Variants in KLHDC4 observed in about 807,000 individuals in gnomAD.
KLHDC4 encodes the protein kelch domain-containing protein 4.
Under a neutral mutation model 62.4 loss-of-function variants are expected in KLHDC4, and 90 were observed. The ratio of observed to expected loss-of-function variants is 1.44; its 90% confidence interval spans 1.22 to 1.72. The LOEUF (loss-of-function observed/expected upper bound fraction) is 1.72, where lower values mean the gene tolerates loss of function less well. Among genes scored for constraint, KLHDC4 ranks in the 40% most tolerant of loss-of-function variants. The pLI is 0.00. For missense variants in KLHDC4, 1,025 were observed against 699.7 expected (o/e 1.47, Z -5.25); for synonymous variants, 386 against 284.4 (o/e 1.36, Z -3.59).
chr16:87,752,413 G>T (rs562603512), intron 4 of KLHDC4, among the ~76,000 whole-genome samples: 1 of 148,734 alleles, frequency 6.7e-6, no homozygotes, highest in South Asian at 2.1e-4. Flanking sequence ...TTGGCTCACT[G>T]CAACCTCCAA....
intron 1 of KLHDC4, among the ~76,000 whole-genome samples, chr16:87,762,522 G>A (rs2046041781): frequency 6.6e-6 from 1 of 152,236 alleles, no homozygotes; most frequent in South Asian, 2.1e-4. Flanking sequence ...CCTGTCTGCT[G>A]AGCAGTGTCT....
chr16:87,741,961 A>C (rs2042304188), intron 5 of KLHDC4, among the ~76,000 whole-genome samples: 1 of 152,216 alleles, frequency 6.6e-6, no homozygotes, highest in African/African-American at 2.4e-5. Flanking sequence ...TGGACTTCTC[A>C]AAAGACATAA....
At chr16:87,738,936 C>CCCACACACCAGCACCTCAT (rs2041819929) in intron 5 of KLHDC4, among the ~76,000 whole-genome samples, 7 of 37,792 alleles carry the variant, frequency 1.9e-4, no homozygotes, top group African/African-American at 6.3e-4. Context: ...ACCTCATCCA[C>CCCACACACCAGCACCTCAT]CCACACACCA....
intron 7 of KLHDC4, among the ~76,000 whole-genome samples, chr16:87,725,795 G>A (rs1406151086): frequency 1.3e-5 from 2 of 152,170 alleles, no homozygotes; most frequent in Non-Finnish European, 2.9e-5. Flanking sequence ...CAGAGCACAC[G>A]CCCCAAGAGC....
chr16:87,704,411 G>A (rs1196125524), downstream of KLHDC4, among the ~76,000 whole-genome samples: 1 of 110,350 alleles, frequency 9.1e-6, no homozygotes, highest in Non-Finnish European at 1.8e-5. Context: ...AGGCGCCTGG[G>A]GAGGGTCCTG....
intron 6 of KLHDC4, among the ~76,000 whole-genome samples, chr16:87,728,803 A>AC (rs1470120586): frequency 6.6e-6 from 1 of 152,148 alleles, no homozygotes; most frequent in Non-Finnish European, 1.5e-5. Flanking sequence ...ACATAGTGAA[A>AC]CCCCGTCTCT....
rs1243680898 is a variant in KLHDC4 at position 87,765,923 on chromosome 16, G to A, written c.-33C>T. ...GGTCCCAAGCCGCGACGGGACACCA[G>A]GAAAGAAAACGGCCCGCGCTCTCCG... is the stretch of plus-strand genomic sequence containing the variant. On this transcript the variant is annotated 5_prime_UTR_variant, in exon 1 of 12. Transcript: ENST00000270583. 2.6e-6 allele frequency: 4 copies of A among 1,546,868 alleles called. No homozygotes were observed. The African/African-American group carries it at 4.1e-5, about 16-fold the overall frequency.
In KLHDC4 at chr16:87,709,457, G is replaced by C. The variant is rs200906773; in HGVS notation, c.1255C>G (p.Leu419Val). The C allele has an allele frequency of 9.3e-6, 15 of 1,612,104 alleles. No individual in the cohort carries two copies. The highest frequency in any genetic ancestry group is 1.3e-5 in the African/African-American group (1 of 75,058). ...GQPRSEDEDS[L>V]EEAGSPAPGP... is the part of the protein sequence containing the mutation. ...GGTGCGGGGCTGCCGGCCTCCTCAAGGCTGTCTTCGTCCTCAGACCGGGGC... is the reference window on the plus strand; with the variant it reads ...GGTGCGGGGCTGCCGGCCTCCTCAACGCTGTCTTCGTCCTCAGACCGGGGC... The change falls in exon 10 of 12, where the codon CTT (leucine) becomes GTT (valine). Residue 419 changes from leucine to valine, a missense_variant. Leu to Val is a conservative substitution (Grantham distance 32). Transcript: ENST00000270583.
chr16:87,709,902 C>G (rs76742342), intron 9 of KLHDC4: 3 of 568,252 alleles, frequency 5.3e-6, no homozygotes, highest in Non-Finnish European at 6.2e-6. Flanking sequence ...GAAAACCCCC[C>G]ACTGCGTGTC....
intron 11 of KLHDC4, 125 bp from the exon 12 acceptor site, chr16:87,708,200 G>C: frequency 1.6e-6 from 1 of 620,186 alleles, no homozygotes; most frequent in Middle Eastern, 2.6e-4. Flanking sequence ...ACAGGCACAC[G>C]GCACTCATTA....
chr16:87,765,950 T>C lies in KLHDC4; in HGVS notation c.-60A>G, dbSNP rs943986238. 3 of 1,496,908 alleles carry C rather than the reference T, an allele frequency of 2.0e-6. No homozygotes were observed. The highest frequency in any genetic ancestry group is 2.7e-6 in the Non-Finnish European group (3 of 1,102,628). 92.7% of individuals were successfully genotyped at this position (1,496,908 alleles called of 1,614,324 possible). A position where few individuals can be genotyped will look rare whatever the true frequency, so the allele number is the denominator to read the frequency against. On this transcript the variant is annotated 5_prime_UTR_variant, in exon 1 of 12. Transcript: ENST00000270583. ...AAAGAAAACGGCCCGCGCTCTCCGC[T>C]CGGAAACAGGTGCTCGTGGGGCGGA...
At chr16:87,744,596 A>T (rs957910016) in intron 5 of KLHDC4, among the ~76,000 whole-genome samples, 32 of 152,040 alleles carry the variant, frequency 2.1e-4, no homozygotes, top group African/African-American at 7.5e-4. Context: ...AAAAAAAAAA[A>T]TAGAATTTGA....
At chr16:87,748,553 G>C in intron 5 of KLHDC4, 120 bp downstream of exon 5, 2 of 1,304,186 alleles carry the variant, frequency 1.5e-6, no homozygotes, top group South Asian at 1.4e-5. Flanking sequence ...CTGGGCTCCA[G>C]GACTGTGACC....
At chr16:87,746,127 C>T (rs968696779) in intron 5 of KLHDC4, among the ~76,000 whole-genome samples, 6 of 151,854 alleles carry the variant, frequency 4.0e-5, no homozygotes, top group Admixed American at 6.6e-5. Flanking sequence ...TTAATTAGCC[C>T]GGCACGGTGG....
downstream of KLHDC4, among the ~76,000 whole-genome samples, chr16:87,704,930 G>A (rs981300706): frequency 2.6e-5 from 4 of 152,348 alleles, no homozygotes; most frequent in African/African-American, 9.6e-5. Context: ...ATGGGCGGCA[G>A]GGGGAGCATG....
chr16:87,750,093 C>T (rs994429824), intron 4 of KLHDC4: 2 of 152,216 alleles, frequency 1.3e-5, no homozygotes, highest in Admixed American at 1.3e-4. Flanking sequence ...TGGCCCACTC[C>T]CTCTCAGGGC....
chr16:87,755,726 C>T (rs555772235), intron 3 of KLHDC4: 1 of 179,518 alleles, frequency 5.6e-6, no homozygotes, highest in Admixed American at 5.5e-5. Flanking sequence ...CACCACACCC[C>T]GCTAATTTTT....
At chr16:87,725,838 T>C (rs1436646076) in intron 7 of KLHDC4, among the ~76,000 whole-genome samples, 2 of 152,166 alleles carry the variant, frequency 1.3e-5, no homozygotes, top group African/African-American at 4.8e-5. Flanking sequence ...AGAACATTCC[T>C]GTCAGCACTG....
intron 7 of KLHDC4, among the ~76,000 whole-genome samples, chr16:87,725,455 G>A (rs545648943): frequency 2.6e-5 from 4 of 152,280 alleles, no homozygotes; most frequent in South Asian, 2.1e-4. Context: ...GTGAGCCACC[G>A]CGCCCAGCCT....
Sources: allele counts gnomAD v4.1 joint callset (sites outside exome capture counted in the v4.1 genomes callset), GRCh38; gene constraint gnomAD v4.1.1; transcripts MANE v1.5; gene names NCBI Gene and HGNC (gene_info 2026-07-23, HGNC 2026-07-21).